The following BAIAP2L1 variants were observed in gnomAD, a reference collection of about 807,000 sequenced individuals.
BAIAP2L1 encodes BAR/IMD domain containing adaptor protein 2 like 1.
BAIAP2L1 carries 35 observed loss-of-function variants against 66.3 expected under a neutral mutation model. That is an observed-to-expected ratio of 0.53 (90% CI 0.40 to 0.70). The LOEUF (loss-of-function observed/expected upper bound fraction) is 0.70. Among genes scored for constraint, BAIAP2L1 ranks in the 30% least tolerant of loss-of-function variants. BAIAP2L1 has a pLI of 0.00. For synonymous variants in BAIAP2L1, 269 were observed against 248.7 expected (o/e 1.08, Z -0.77); for missense variants, 622 against 656.9 (o/e 0.95, Z 0.58).
chr7:98,317,086 C>T, intron 6 of BAIAP2L1, 133 bp downstream of exon 6: 2 of 1,136,548 alleles, frequency 1.8e-6, no homozygotes, highest in Admixed American at 2.0e-5. Context: ...CTCCTGACCT[C>T]ATATGATCCT....
At chr7:98,382,798 G>T (rs987050367) in intron 1 of BAIAP2L1, among the ~76,000 whole-genome samples, 10 of 152,300 alleles carry the variant, frequency 6.6e-5, no homozygotes, top group Middle Eastern at 3.4e-3. Flanking sequence ...ATTCAAGCAG[G>T]TTTTAAATTC....
At chr7:98,373,097 G>A (rs77620780) in intron 1 of BAIAP2L1, among the ~76,000 whole-genome samples, 129 of 152,282 alleles carry the variant, frequency 8.5e-4, no homozygotes, top group African/African-American at 3.1e-3. Flanking sequence ...GTTGCTGGAA[G>A]CTGCTGTTCC....
chr7:98,391,093 C>T (rs909908391), intron 1 of BAIAP2L1, among the ~76,000 whole-genome samples: 13 of 151,374 alleles, frequency 8.6e-5, no homozygotes, highest in Admixed American at 2.6e-4. Context: ...CTGCCCGCCT[C>T]GGCCTCCCAA....
At chr7:98,368,419 A>AAAAAC (rs572220483) in intron 1 of BAIAP2L1, among the ~76,000 whole-genome samples, 242 of 152,230 alleles carry the variant, frequency 1.6e-3, no homozygotes, top group Non-Finnish European at 2.7e-3. Context: ...ACTCCATCTC[A>AAAAAC]AAAACAAAAC....
chr7:98,337,302 G>A (rs1310927752), intron 3 of BAIAP2L1, among the ~76,000 whole-genome samples: 1 of 151,700 alleles, frequency 6.6e-6, no homozygotes, highest in African/African-American at 2.4e-5. Flanking sequence ...TGCAATCTTG[G>A]CTCACTGAAA....
intron 1 of BAIAP2L1, among the ~76,000 whole-genome samples, chr7:98,395,782 G>A (rs1382301318): frequency 6.6e-6 from 1 of 152,112 alleles, no homozygotes; most frequent in Non-Finnish European, 1.5e-5. Context: ...TGTAATCCCA[G>A]CACTTTGGGA....
At chr7:98,380,547 TCTCCCACCAGGTTC>T (rs1802730109) in intron 1 of BAIAP2L1, among the ~76,000 whole-genome samples, 1 of 151,684 alleles carries the variant, frequency 6.6e-6, no homozygotes, top group South Asian at 2.1e-4. Flanking sequence ...ACTCAAATTA[TCTCCCACCAGGTTC>T]CTCCCACAAC....
chr7:98,360,566 G>C (rs889954705), intron 2 of BAIAP2L1, among the ~76,000 whole-genome samples: 3 of 151,914 alleles, frequency 2.0e-5, no homozygotes, highest in Admixed American at 2.0e-4. Flanking sequence ...TTAGCAGGAA[G>C]CTAAGCTGTA....
Position 98,293,695 on chromosome 7 carries a change from G to A in BAIAP2L1, c.1461-99C>T, listed in dbSNP as rs375083226. On this transcript the variant is annotated intron_variant, in intron 13 of 13. Coordinates refer to ENST00000005260, the MANE Select transcript of BAIAP2L1 (RefSeq NM_018842.5). The stretch of plus-strand genomic sequence containing the variant: ...CCGTTCTTGCCCTGTGAGACTGGGC[G>A]GCTGACCACCTCCCCAGCTTGTACA... 5.4e-4 allele frequency: 633 copies of A among 1,176,212 alleles called. 8 individuals carry two copies. The South Asian group carries it at 6.6e-3, about 12-fold the overall frequency. The allele number at this position is 1,176,212 out of a possible 1,614,324, so 72.9% of individuals were successfully genotyped here. A position where few individuals can be genotyped will look rare whatever the true frequency, so the allele number is the denominator to read the frequency against.
At chr7:98,303,196 C>T (rs553016263) in intron 12 of BAIAP2L1, among the ~76,000 whole-genome samples, 5 of 152,310 alleles carry the variant, frequency 3.3e-5, no homozygotes, top group South Asian at 2.1e-4. Context: ...AAGGCTCACG[C>T]GTAGGTCTGG....
At chr7:98,340,478 G>A (rs1212368201) in intron 3 of BAIAP2L1, among the ~76,000 whole-genome samples, 1 of 151,912 alleles carries the variant, frequency 6.6e-6, no homozygotes, top group African/African-American at 2.4e-5. Context: ...TAGTAGAGAC[G>A]GGGTTTCACT....
chr7:98,312,059 C>T, intron 8 of BAIAP2L1, 38 bp downstream of exon 8: 1 of 1,550,942 alleles, frequency 6.4e-7, no homozygotes, highest in South Asian at 1.2e-5. Context: ...AGTTAGGAAA[C>T]ACACGATTGA....
chr7:98,385,187 A>C (rs1326195959), intron 1 of BAIAP2L1, among the ~76,000 whole-genome samples: 4 of 151,804 alleles, frequency 2.6e-5, no homozygotes, highest in Admixed American at 2.0e-4. Flanking sequence ...AGGGACCTGT[A>C]ATCCCAGCTA....
Position 98,310,511 on chromosome 7 carries a change from A to AG in BAIAP2L1, c.888dup (p.Ile298AspfsTer5). On this transcript the variant is annotated frameshift_variant, in exon 9 of 14. Coordinates refer to ENST00000005260, the MANE Select transcript of BAIAP2L1 (RefSeq NM_018842.5). LOFTEE classifies it high-confidence loss of function. ...GCTGGGTTATTAAACATATCGATCA[A>AG]GGGACTGGTATATGCTCTGCCTGAA... 6.2e-7 allele frequency: 1 copy of AG among 1,606,804 alleles called. No homozygotes were observed. The highest frequency in any genetic ancestry group is 8.5e-7 in the Non-Finnish European group (1 of 1,178,000).
Position 98,292,936 on chromosome 7 carries a change from C to G in BAIAP2L1, c.*585G>C, listed in dbSNP as rs1450461038. On this transcript the variant is annotated 3_prime_UTR_variant, in exon 14 of 14. Coordinates refer to ENST00000005260, the MANE Select transcript of BAIAP2L1 (RefSeq NM_018842.5). ...AGGGCAGGCAAAGCGTCTTAGCACT[C>G]TACAGCTCTGGCGTGGTTGGAGGGA... 52 of 1,319,206 alleles carry G rather than the reference C, an allele frequency of 3.9e-5. No homozygotes were observed. Among genetic ancestry groups the G allele is most frequent in the Non-Finnish European group, 4.3e-5 (44 of 1,035,226 alleles). The allele number at this position is 1,319,206 out of a possible 1,614,324, so 81.7% of individuals were successfully genotyped here.
chr7:98,342,793 C>G (rs1387074889), intron 3 of BAIAP2L1, among the ~76,000 whole-genome samples: 4 of 152,114 alleles, frequency 2.6e-5, no homozygotes, highest in Admixed American at 1.3e-4. Context: ...ACATTTTCCC[C>G]TTACCATTTC....
chr7:98,342,536 G>C (rs909473254), intron 3 of BAIAP2L1, among the ~76,000 whole-genome samples: 1 of 152,126 alleles, frequency 6.6e-6, no homozygotes, highest in Non-Finnish European at 1.5e-5. Context: ...AAAATATTCT[G>C]TTTTGTGCCC....
intron 7 of BAIAP2L1, 148 bp downstream of exon 7, chr7:98,315,312 G>C: frequency 8.5e-6 from 5 of 584,872 alleles, no homozygotes; most frequent in Non-Finnish European, 1.3e-5. Flanking sequence ...ATTTTTTATA[G>C]AGACAGAGTT....
chr7:98,400,150 C>G (rs1409346472), intron 1 of BAIAP2L1: 1 of 150,318 alleles, frequency 6.7e-6, no homozygotes, highest in Non-Finnish European at 1.5e-5. Context: ...GCCCCACCGA[C>G]GCACAACAGA....
Sources: allele counts gnomAD v4.1 joint callset (sites outside exome capture counted in the v4.1 genomes callset), GRCh38; gene constraint gnomAD v4.1.1; transcripts MANE v1.5; gene names NCBI Gene and HGNC (gene_info 2026-07-23, HGNC 2026-07-21).